NCKAP5L: variants seen among roughly 807,000 people sequenced by gnomAD.
NCKAP5L encodes the protein nck-associated protein 5-like.
In NCKAP5L, 54 loss-of-function variants were observed where a neutral mutation model predicts 103.2. That is an observed-to-expected ratio of 0.52 (90% CI 0.42 to 0.66). The LOEUF is 0.66. Ranked by LOEUF, NCKAP5L falls within the 30% of genes least tolerant of loss-of-function variation. NCKAP5L has a pLI of 0.00. For missense variants in NCKAP5L, 1,733 were observed against 1,750.6 expected (o/e 0.99, Z 0.18); for synonymous variants, 762 against 748.6 (o/e 1.02, Z -0.29).
At chr12:49,803,463 C>A (rs1345457331) in intron 3 of NCKAP5L, among the ~76,000 whole-genome samples, 1 of 152,112 alleles carries the variant, frequency 6.6e-6, no homozygotes, top group Non-Finnish European at 1.5e-5. Flanking sequence ...CACAGTAACC[C>A]TTATTTCCCT....
At position 49,805,186 on chromosome 12, in the gene NCKAP5L, C is replaced by A. The variant is rs150036697; in HGVS notation, c.-37+794G>T. 5.8e-3 allele frequency: 887 copies of A among 152,536 alleles called. 3 individuals carry two copies. The highest frequency in any genetic ancestry group is 0.01 in the Middle Eastern group (3 of 294). The allele number at this position is 152,536 out of a possible 1,614,324, so 9.4% of individuals were successfully genotyped here. A position where few individuals can be genotyped will look rare whatever the true frequency, so the allele number is the denominator to read the frequency against. ...ATGCTCCTGCAAGATTGTACACCAG[C>A]CTCCCCCACCAGACAGTCAACTCCG... On this transcript the variant is annotated intron_variant, in intron 2 of 12. Coordinates refer to ENST00000335999, the MANE Select transcript of NCKAP5L (RefSeq NM_001037806.4).
Position 49,792,121 on chromosome 12 carries a change from C to T in NCKAP5L, c.3793-70G>A. Reference sequence around the variant, plus strand: ...TCGGCCCAGCCTCAGAGGCACTGAGCTCTGAGGGGCGTCTGTGCACCTGAT... The same window carrying T: ...TCGGCCCAGCCTCAGAGGCACTGAGTTCTGAGGGGCGTCTGTGCACCTGAT... On this transcript the variant is annotated intron_variant, in intron 12 of 12. Coordinates refer to ENST00000335999, the MANE Select transcript of NCKAP5L (RefSeq NM_001037806.4). The surrounding 1 kb of genome is among the most constrained non-coding windows in gnomAD (Gnocchi z 4.5). The T allele has an allele frequency of 7.4e-7, 1 of 1,356,900 alleles. No homozygotes were observed. Among genetic ancestry groups the T allele is most frequent in the Middle Eastern group, 2.6e-4 (1 of 3,780 alleles). The allele number at this position is 1,356,900 out of a possible 1,614,324, so 84.1% of individuals were successfully genotyped here.
At position 49,795,463 on chromosome 12, in the gene NCKAP5L, G is replaced by A; in HGVS notation, c.2397C>T (p.Thr799=). ...QVPRTPAKVP[T]SAPSLGKPNK... The stretch of plus-strand genomic sequence containing the variant: ...TGGGCTTGCCCAGGCTTGGGGCTGA[G>A]GTTGGCACTTTGGCAGGGGTACGGG... The change falls in exon 8 of 13, where the codon ACC becomes ACT. Residue 799 remains threonine (T), a synonymous_variant. Coordinates refer to ENST00000335999, the MANE Select transcript of NCKAP5L (RefSeq NM_001037806.4). 6.4e-7 allele frequency: 1 copy of A among 1,554,808 alleles called. No individual in the cohort carries two copies. The highest frequency in any genetic ancestry group is 2.2e-5 in the East Asian group (1 of 44,532).
In NCKAP5L at chr12:49,812,214, C is replaced by T. The variant is rs76246878; in HGVS notation, c.-98-6173G>A. On this transcript the variant is annotated intron_variant, in intron 1 of 12. Coordinates refer to ENST00000335999, the MANE Select transcript of NCKAP5L (RefSeq NM_001037806.4). The stretch of plus-strand genomic sequence containing the variant: ...CCCCTCCCCACCCAGTCACAGGCAA[C>T]CACTCATCTATTTTCTGTCTCTATT... Among the ~76,000 whole-genome samples, 687 of 152,264 alleles carry T rather than the reference C, an allele frequency of 4.5e-3. 14 individuals carry two copies. The highest frequency in any genetic ancestry group is 0.032 in the Admixed American group (494 of 15,284).
At chr12:49,805,152 T>A (rs2720289) in intron 2 of NCKAP5L, 7,915 of 152,388 alleles carry the variant, frequency 0.052, 387 homozygotes, top group East Asian at 0.13. Flanking sequence ...CCTTCAGGGC[T>A]CCCAGGCGAT....
intron 1 of NCKAP5L, among the ~76,000 whole-genome samples, chr12:49,816,883 T>A (rs550827464): frequency 1.2e-4 from 18 of 152,080 alleles, no homozygotes; most frequent in Non-Finnish European, 2.5e-4. Flanking sequence ...ATTCTACAGA[T>A]ATTTCTGAAC....
Position 49,791,259 on chromosome 12 carries a change from G to C in NCKAP5L, c.*580C>G, listed in dbSNP as rs1315918256. The C allele has an allele frequency of 6.5e-6, 1 of 153,476 alleles. No homozygotes were observed. The highest frequency in any genetic ancestry group is 2.4e-5 in the African/African-American group (1 of 41,488). The allele number at this position is 153,476 out of a possible 1,614,324, so 9.5% of individuals were successfully genotyped here. A position where few individuals can be genotyped will look rare whatever the true frequency, so the allele number is the denominator to read the frequency against. On this transcript the variant is annotated 3_prime_UTR_variant, in exon 13 of 13. Transcript: ENST00000335999. Reference sequence around the variant, plus strand: ...AACCGCAGTGCGGGGCTGGGGGCTGGGGGCTGGGCCAGGCGCTTCAATATA... The same window carrying C: ...AACCGCAGTGCGGGGCTGGGGGCTGCGGGCTGGGCCAGGCGCTTCAATATA...
intron 6 of NCKAP5L, among the ~76,000 whole-genome samples, chr12:49,799,832 C>A (rs926982148): frequency 6.6e-6 from 1 of 152,200 alleles, no homozygotes; most frequent in Non-Finnish European, 1.5e-5. Flanking sequence ...GGCTTCCCTG[C>A]CCTTGGATCT....
At position 49,792,999 on chromosome 12, in the gene NCKAP5L, G is replaced by C. The variant is rs573081733; in HGVS notation, c.3341-13C>G. On this transcript the variant is annotated splice_polypyrimidine_tract_variant and intron_variant, in intron 10 of 12. Transcript: ENST00000335999. This position sits in a 1 kb window ranked among gnomAD's most constrained non-coding sequence, Gnocchi z 4.5. ...AAGGAGCCACAGGCTGGGGAGGGGA[G>C]GGGAGGGCCCGTTAAGAGTGTGAGG... 6.6e-7 allele frequency: 1 copy of C among 1,518,208 alleles called. No homozygotes were observed. The highest frequency in any genetic ancestry group is 1.3e-5 in the South Asian group (1 of 77,938). 94.0% of individuals were successfully genotyped at this position (1,518,208 alleles called of 1,614,324 possible).
Position 49,820,313 on chromosome 12 carries a change from C to CTTT in NCKAP5L, c.-99+8006_-99+8008dup, listed in dbSNP as rs55677422. On this transcript the variant is annotated intron_variant, in intron 1 of 12. Coordinates refer to ENST00000335999, the MANE Select transcript of NCKAP5L (RefSeq NM_001037806.4). ...CATCCCCCAAACTTTATCTCCTGGC[C>CTTT]TTTTTTTTTTTTTTTTTTTTTGAGA... 4.0e-4 allele frequency among the ~76,000 whole-genome samples: 48 copies of CTTT among 121,406 alleles called. 1 individual carries two copies. The highest frequency in any genetic ancestry group is 1.5e-3 in the East Asian group (6 of 3,890). The allele number at this position is 121,406 out of a possible 152,430, so 79.6% of individuals were successfully genotyped here.
Position 49,795,719 on chromosome 12 carries a change from C to T in NCKAP5L, c.2141G>A (p.Arg714Lys). The T allele has an allele frequency of 1.2e-6, 2 of 1,608,802 alleles. No homozygotes were observed. The highest frequency in any genetic ancestry group is 1.7e-6 in the Non-Finnish European group (2 of 1,177,764). Residue 714 changes from arginine (R) to lysine (K), a missense_variant, in exon 8 of 13, where the codon AGG becomes AAG. Transcript: ENST00000335999. The part of the protein sequence containing the change: ...SAGDMVPSIH[R>K]PLEQLEAKGG... ...CTTGGCTTCTAGCTGCTCCAGTGGC[C>T]TGTGGATGGAGGGCACCATGTCTCC...
At chr12:49,810,684 C>T (rs1256016870) in intron 1 of NCKAP5L, among the ~76,000 whole-genome samples, 1 of 152,164 alleles carries the variant, frequency 6.6e-6, no homozygotes, top group African/African-American at 2.4e-5. Flanking sequence ...AGCCAGCTTC[C>T]TTCTATTAAG....
Position 49,796,015 on chromosome 12 carries a change from A to G in NCKAP5L, c.1845T>C (p.Tyr615=). The G allele has an allele frequency of 6.5e-7, 1 of 1,548,810 alleles. No homozygotes were observed. Among genetic ancestry groups the G allele is most frequent in the Non-Finnish European group, 8.7e-7 (1 of 1,153,308 alleles). ...PSPCLPESYP[Y]GSPQEKSLDK... The stretch of plus-strand genomic sequence containing the variant: ...CCAAACTCTTCTCTTGGGGGCTCCC[A>G]TAGGGGTACGATTCTGGGAGGCAAG... Residue 615 remains tyrosine, a synonymous_variant, in exon 8 of 13, where the codon TAT becomes TAC. Coordinates refer to ENST00000335999, the MANE Select transcript of NCKAP5L (RefSeq NM_001037806.4).
At chr12:49,802,108 A>C in intron 5 of NCKAP5L, 141 bp from the exon 6 acceptor site, 1 of 944,992 alleles carries the variant, frequency 1.1e-6, no homozygotes, top group East Asian at 2.7e-5. Context: ...ACCTCCTTCT[A>C]TGAGGAATCT....
At chr12:49,793,693 A>G in intron 9 of NCKAP5L, 41 bp downstream of exon 9, 1 of 1,510,026 alleles carries the variant, frequency 6.6e-7, no homozygotes, top group Non-Finnish European at 8.9e-7. Context: ...GCAGGGCCAG[A>G]GAGCCAGGCC....
In NCKAP5L at chr12:49,791,872, G is replaced by A. The variant is rs762899193; in HGVS notation, c.3972C>T (p.Tyr1324=). ...GACTCCCACAAGAGGACAGCGAGTC[G>A]TAGAGTGAGTCACTGAGAGACTCCG... ...ETSESLSDSL[Y]DSLSSCGSQG The change falls in exon 13 of 13, where the codon TAC becomes TAT. Residue 1324 remains tyrosine (Y), a synonymous_variant. Transcript: ENST00000335999. 3.1e-6 allele frequency: 5 copies of A among 1,611,644 alleles called. No homozygotes were observed. Among genetic ancestry groups the A allele is most frequent in the Admixed American group, 3.3e-5 (2 of 59,796 alleles).
chr12:49,823,983 C>T (rs550111480), intron 1 of NCKAP5L, among the ~76,000 whole-genome samples: 5 of 152,226 alleles, frequency 3.3e-5, no homozygotes, highest in African/African-American at 9.6e-5. Flanking sequence ...GGCTGCTGGG[C>T]GGTGGGGGGT....
At chr12:49,821,259 A>C in intron 1 of NCKAP5L, among the ~76,000 whole-genome samples, 1 of 151,196 alleles carries the variant, frequency 6.6e-6, no homozygotes, top group East Asian at 1.9e-4. Flanking sequence ...CCCCATCCCC[A>C]CCCCCCAACT....
At chr12:49,819,809 T>C (rs1946341039) in intron 1 of NCKAP5L, among the ~76,000 whole-genome samples, 2 of 152,216 alleles carry the variant, frequency 1.3e-5, no homozygotes, top group South Asian at 4.1e-4. Flanking sequence ...AAGCTAAAGC[T>C]GAAACCGTTT....
Sources: gnomAD v4.1 joint callset for allele counts (sites outside exome capture counted in the v4.1 genomes callset) on GRCh38, gnomAD v4.1.1 for gene constraint, Gnocchi (gnomAD v3.1) non-coding constraint, MANE v1.5 for transcripts, NCBI Gene and HGNC (gene_info 2026-07-23, HGNC 2026-07-21) for gene names.